The following SPEG variants were observed in gnomAD, a reference collection of about 807,000 sequenced individuals.
SPEG encodes striated muscle enriched protein kinase, also known as striated muscle preferentially expressed protein kinase.
SPEG carries 114 observed loss-of-function variants against 300.4 expected under a neutral mutation model. That is an observed-to-expected ratio of 0.38 (90% CI 0.33 to 0.44). The LOEUF is 0.44. SPEG is among the 20% of genes least tolerant of loss of function. The probability of loss-of-function intolerance (pLI) is 1.00; values close to 1 mark genes in which losing one functional copy is unlikely to be tolerated. For missense variants in SPEG, 4,201 were observed against 4,586.2 expected, an observed-to-expected ratio of 0.92 and a Z score of 2.43; for synonymous variants, 1,964 against 2,018.9, an observed-to-expected ratio of 0.97 and a Z score of 0.73.
At chr2:219,460,945 G>A in intron 6 of SPEG, 1 of 986,102 alleles carries the variant, frequency 1.0e-6, no homozygotes, top group Non-Finnish European at 1.2e-6. Context: ...CTGGTGCCAG[G>A]GCAGAGCCTT....
Position 219,448,992 on chromosome 2 carries a change from C to T in SPEG, c.1834C>T (p.Pro612Ser). 1.3e-6 allele frequency: 2 copies of T among 1,481,824 alleles called. No individual in the cohort carries two copies. The highest frequency in any genetic ancestry group is 1.8e-6 in the Non-Finnish European group (2 of 1,119,018). 91.8% of individuals were successfully genotyped at this position (1,481,824 alleles called of 1,614,324 possible). The change falls in exon 4 of 41, where the codon CCG becomes TCG. Residue 612 changes from proline (P) to serine (S), a missense_variant. Coordinates refer to ENST00000312358, the MANE Select transcript of SPEG (RefSeq NM_005876.5). ...RAIQECRSPV[P>S]PPAADPPEAR... ...CATCCAGGAGTGCAGGAGCCCTGTG[C>T]CGCCCCCCGCCGCCGATCCCCCAGA...
rs1693251985 is a variant in SPEG, at chr2:219,484,992, A to T, written c.7529A>T (p.Gln2510Leu). Residue 2510 changes from glutamine to leucine, a missense_variant, in exon 30 of 41, where the codon CAG (glutamine) becomes CTG (leucine). Coordinates refer to ENST00000312358, the MANE Select transcript of SPEG (RefSeq NM_005876.5). Reference protein sequence around the residue: ...SLRRLGLPHNQLAAQAGATTP... With the variant: ...SLRRLGLPHNLLAAQAGATTP... ...CGGCGCCTTGGCCTTCCGCACAACCAGTTGGCCGCCCAGGCCGGCGCCACC... is the reference window on the plus strand; with the variant it reads ...CGGCGCCTTGGCCTTCCGCACAACCTGTTGGCCGCCCAGGCCGGCGCCACC... 1 of 1,531,026 alleles carries T rather than the reference A, an allele frequency of 6.5e-7. No homozygotes were observed. Among genetic ancestry groups the T allele is most frequent in the Non-Finnish European group, 8.7e-7 (1 of 1,145,052 alleles). The allele number at this position is 1,531,026 out of a possible 1,614,324, so 94.8% of individuals were successfully genotyped here.
chr2:219,462,801 C>A (rs1213280277), intron 8 of SPEG, among the ~76,000 whole-genome samples: 1 of 152,164 alleles, frequency 6.6e-6, no homozygotes, highest in African/African-American at 2.4e-5. Context: ...GCTTGTAATC[C>A]CAGCTACTTG....
intron 6 of SPEG, chr2:219,460,344 G>C: frequency 2.0e-6 from 2 of 985,444 alleles, no homozygotes; most frequent in Non-Finnish European, 2.4e-6. Flanking sequence ...TGTAGTATTT[G>C]AGGCTCGTTA....
chr2:219,471,761 C>T, intron 13 of SPEG, 107 bp from the exon 14 acceptor site: 1 of 1,418,874 alleles, frequency 7.0e-7, no homozygotes, highest in Non-Finnish European at 9.7e-7. Flanking sequence ...CACTCGCCTC[C>T]TCCCTGCAGT....
In SPEG at chr2:219,439,117, G is replaced by T. The variant is rs2125203779; in HGVS notation, c.388+3752G>T. Among the ~76,000 whole-genome samples the T allele has an allele frequency of 1.3e-5, 2 of 152,232 alleles. No homozygotes were observed. The highest frequency in any genetic ancestry group is 6.8e-3 in the Middle Eastern group (2 of 294). ...CAGGGGAATCCTGAGTGGAATGAGA[G>T]ATGGTCACTTTTCTGGCTAAAGACC... is the stretch of plus-strand genomic sequence containing the variant. On this transcript the variant is annotated intron_variant, in intron 1 of 40. Coordinates refer to ENST00000312358, the MANE Select transcript of SPEG (RefSeq NM_005876.5). This position sits in a 1 kb window ranked among gnomAD's most constrained non-coding sequence, Gnocchi z 4.5.
chr2:219,483,265 A>G lies in SPEG; in HGVS notation c.5802A>G (p.Ser1934=), dbSNP rs1575168874. Reference sequence around the variant, plus strand: ...AGGAAGAGCTGGAAGAGCTGCCCTCAGTGCCCCGCCCACTGCAGCCCGAGT... The same window carrying G: ...AGGAAGAGCTGGAAGAGCTGCCCTCGGTGCCCCGCCCACTGCAGCCCGAGT... ...SEEEELEELP[S]VPRPLQPEFS... Residue 1934 remains serine (S), a synonymous_variant, in exon 30 of 41, where the codon TCA becomes TCG. Transcript: ENST00000312358. 6.2e-7 allele frequency: 1 copy of G among 1,609,844 alleles called. No individual in the cohort carries two copies. The highest frequency in any genetic ancestry group is 8.5e-7 in the Non-Finnish European group (1 of 1,178,592).
Position 219,480,833 on chromosome 2 carries a change from G to A in SPEG, c.5369+136G>A. ...TGCAAGGAGCCTCATGTGCATGAAG[G>A]TGGACACCCCTGTCTGCATGCCCAC... is the stretch of plus-strand genomic sequence containing the variant. On this transcript the variant is annotated intron_variant, in intron 26 of 40. Transcript: ENST00000312358. The surrounding 1 kb of genome is among the most constrained non-coding windows in gnomAD (Gnocchi z 5.3). 10 of 841,388 alleles carry A rather than the reference G, an allele frequency of 1.2e-5. No individual in the cohort carries two copies. In the South Asian group the frequency reaches 1.3e-4, roughly 11 times the overall value. 52.1% of individuals were successfully genotyped at this position (841,388 alleles called of 1,614,324 possible).
In SPEG at chr2:219,490,957, G is replaced by C; in HGVS notation, c.9385+1G>C. 6.2e-7 allele frequency: 1 copy of C among 1,609,012 alleles called. No individual in the cohort carries two copies. Among genetic ancestry groups the C allele is most frequent in the Non-Finnish European group, 8.5e-7 (1 of 1,177,076 alleles). On this transcript the variant is annotated splice_donor_variant, in intron 38 of 40. Transcript: ENST00000312358. LOFTEE classifies it high-confidence loss of function. ...CGCACGGGCACGCTGGAGTTCATGGGTGAGGGGACCAGCTGCCAGCCAGGG... is the reference window on the plus strand; with the variant it reads ...CGCACGGGCACGCTGGAGTTCATGGCTGAGGGGACCAGCTGCCAGCCAGGG...
In SPEG at chr2:219,483,525, C is replaced by G; in HGVS notation, c.6062C>G (p.Pro2021Arg). 2 of 1,408,122 alleles carry G rather than the reference C, an allele frequency of 1.4e-6. No individual in the cohort carries two copies. The highest frequency in any genetic ancestry group is 1.8e-6 in the Non-Finnish European group (2 of 1,093,446). The allele number at this position is 1,408,122 out of a possible 1,614,324, so 87.2% of individuals were successfully genotyped here. A position where few individuals can be genotyped will look rare whatever the true frequency, so the allele number is the denominator to read the frequency against. ...RRGSSAESAL[P>R]RAGPRELGRG... ...GGCAGCTCGGCTGAGAGCGCCCTGCCCCGGGCCGGGCCGCGGGAGCTGGGC... is the reference window on the plus strand; with the variant it reads ...GGCAGCTCGGCTGAGAGCGCCCTGCGCCGGGCCGGGCCGCGGGAGCTGGGC... Residue 2021 changes from proline to arginine, a missense_variant, in exon 30 of 41, where the codon CCC becomes CGC. By Grantham distance (103) the Pro-to-Arg change is moderately radical. This residue lies in a region of SPEG where 1,578 missense variants were observed against 1,506.0 expected (regional missense o/e 1.05). Transcript: ENST00000312358.
intron 18 of SPEG, 106 bp downstream of exon 18, chr2:219,474,009 A>C: frequency 8.3e-7 from 1 of 1,200,440 alleles, no homozygotes; most frequent in Non-Finnish European, 1.2e-6. Context: ...ATCCAAACCC[A>C]TGTCCTCTGG....
At chr2:219,487,601 A>G (rs76813855) in intron 31 of SPEG, among the ~76,000 whole-genome samples, 2,175 of 152,302 alleles carry the variant, frequency 0.014, 58 homozygotes, top group African/African-American at 0.049. Flanking sequence ...AGGAGTATAC[A>G]GAAGACCTAC....
chr2:219,487,094 C>G (rs540017506), intron 31 of SPEG, among the ~76,000 whole-genome samples: 1 of 152,268 alleles, frequency 6.6e-6, no homozygotes, highest in South Asian at 2.1e-4. Flanking sequence ...AATCCACCCC[C>G]AAGTCCTCCC....
rs778684137 is a variant in SPEG at position 219,464,471 on chromosome 2, G to A, written c.2744G>A (p.Arg915His). ...NRQPVRPDQR[R>H]FAEEAEGGLC... Reference sequence around the variant, plus strand: ...CAGCCCGTGCGCCCAGACCAGCGGCGCTTTGCGGAGGAGGCTGAGGGTGGG... The same window carrying A: ...CAGCCCGTGCGCCCAGACCAGCGGCACTTTGCGGAGGAGGCTGAGGGTGGG... Residue 915 changes from arginine (R) to histidine (H), a missense_variant, in exon 9 of 41, where the codon CGC becomes CAC. By Grantham distance (29) the Arg-to-His change is conservative. This residue lies in a region of SPEG where 1,047 missense variants were observed against 1,356.8 expected (regional missense o/e 0.77). Transcript: ENST00000312358. This position sits in a 1 kb window ranked among gnomAD's most constrained non-coding sequence, Gnocchi z 4.5. 2.5e-6 allele frequency: 4 copies of A among 1,613,328 alleles called. No homozygotes were observed. Among genetic ancestry groups the A allele is most frequent in the East Asian group, 4.5e-5 (2 of 44,894 alleles).
In SPEG at chr2:219,444,200, G is replaced by A. The variant is rs920019886; in HGVS notation, c.389-453G>A. 41 of 531,962 alleles carry A rather than the reference G, an allele frequency of 7.7e-5. No individual in the cohort carries two copies. Among genetic ancestry groups the A allele is most frequent in the Non-Finnish European group, 1.0e-4 (30 of 290,708 alleles). 33.0% of individuals were successfully genotyped at this position (531,962 alleles called of 1,614,324 possible). A position where few individuals can be genotyped will look rare whatever the true frequency, so the allele number is the denominator to read the frequency against. On this transcript the variant is annotated intron_variant, in intron 1 of 40. Coordinates refer to ENST00000312358, the MANE Select transcript of SPEG (RefSeq NM_005876.5). This position sits in a 1 kb window ranked among gnomAD's most constrained non-coding sequence, Gnocchi z 7.8. ...GGACAGGCTGGCCCCGCGGTTGGTC[G>A]AGTGCCCTGGCAGTACGACTCTGAG... is the stretch of plus-strand genomic sequence containing the variant.
rs762224023 is a variant in SPEG, at chr2:219,468,918, C to A, written c.3361C>A (p.Leu1121Met). The stretch of plus-strand genomic sequence containing the variant: ...GCGGCAGGACGGGGGTCTGCACTCA[C>A]TGCACATTGCCCATGTGGGCAGCGA... Reference protein sequence around the residue: ...RLRQDGGLHSLHIAHVGSEDE... With the variant: ...RLRQDGGLHSMHIAHVGSEDE... Residue 1121 changes from leucine (L) to methionine (M), a missense_variant, in exon 12 of 41, where the codon CTG becomes ATG. Coordinates refer to ENST00000312358, the MANE Select transcript of SPEG (RefSeq NM_005876.5). 6.2e-7 allele frequency: 1 copy of A among 1,613,798 alleles called. No homozygotes were observed. The highest frequency in any genetic ancestry group is 1.3e-5 in the African/African-American group (1 of 74,938).
In SPEG at chr2:219,439,671, C is replaced by T. The variant is rs1456660296; in HGVS notation, c.388+4306C>T. On this transcript the variant is annotated intron_variant, in intron 1 of 40. Coordinates refer to ENST00000312358, the MANE Select transcript of SPEG (RefSeq NM_005876.5). The surrounding 1 kb of genome is among the most constrained non-coding windows in gnomAD (Gnocchi z 4.5). ...ATCTGGGGCCAGCTGGGGAGGCCCA[C>T]CCAGAGAGCATGTTCCAGGCCAGCC... Among the ~76,000 whole-genome samples the T allele has an allele frequency of 6.6e-6, 1 of 152,126 alleles. No homozygotes were observed. Among genetic ancestry groups the T allele is most frequent in the Non-Finnish European group, 1.5e-5 (1 of 68,020 alleles).
chr2:219,473,099 G>T lies in SPEG; in HGVS notation c.4147+3G>T, dbSNP rs966005160. 2 of 1,613,108 alleles carry T rather than the reference G, an allele frequency of 1.2e-6. No homozygotes were observed. Among genetic ancestry groups the T allele is most frequent in the Non-Finnish European group, 1.7e-6 (2 of 1,179,778 alleles). On this transcript the variant is annotated splice_donor_region_variant and intron_variant, in intron 16 of 40. Transcript: ENST00000312358. This position sits in a 1 kb window ranked among gnomAD's most constrained non-coding sequence, Gnocchi z 4.6. ...GCCTGTGCAGCTGCTGGAGCACGGT[G>T]AGCCTGGGTGCTCCTGTCGGGTGGG...
chr2:219,457,190 C>T (rs1690259156), intron 6 of SPEG, among the ~76,000 whole-genome samples: 1 of 152,196 alleles, frequency 6.6e-6, no homozygotes, highest in African/African-American at 2.4e-5. Flanking sequence ...CCTACTGAAA[C>T]AGCACATGTG....
Sources: gnomAD v4.1 joint callset for allele counts (sites outside exome capture counted in the v4.1 genomes callset) on GRCh38, gnomAD v4.1.1 for gene constraint, gnomAD v4.1.1 regional missense constraint, Gnocchi (gnomAD v3.1) non-coding constraint, MANE v1.5 for transcripts, NCBI Gene and HGNC (gene_info 2026-07-23, HGNC 2026-07-21) for gene names.